The following CNTNAP5 variants were observed in gnomAD, a reference collection of about 807,000 sequenced individuals.
CNTNAP5 encodes the protein contactin-associated protein-like 5.
A neutral mutation model predicts 150.2 loss-of-function variants in CNTNAP5; 72 were observed. The ratio of observed to expected loss-of-function variants is 0.48; its 90% confidence interval spans 0.40 to 0.58. The LOEUF is 0.58. CNTNAP5 is among the 20% of genes least tolerant of loss of function. The pLI is 0.00. For synonymous variants in CNTNAP5, 672 were observed against 619.8 expected (o/e 1.08, Z -1.25); for missense variants, 1,636 against 1,626.2 (o/e 1.01, Z -0.10).
intron 13 of CNTNAP5, among the ~76,000 whole-genome samples, chr2:124,649,955 G>T (rs1678285058): frequency 6.6e-6 from 1 of 152,184 alleles, no homozygotes; most frequent in Admixed American, 6.5e-5. Context: ...AATGTAAATA[G>T]AATAATTGTC....
At chr2:124,904,848 G>T (rs1391001506) in intron 22 of CNTNAP5, among the ~76,000 whole-genome samples, 1 of 151,584 alleles carries the variant, frequency 6.6e-6, no homozygotes, top group Non-Finnish European at 1.5e-5. Context: ...GACACCAAAA[G>T]TATGATCAAC....
intron 1 of CNTNAP5, among the ~76,000 whole-genome samples, chr2:124,091,709 C>G (rs1682817568): frequency 6.6e-6 from 1 of 152,090 alleles, no homozygotes; most frequent in Non-Finnish European, 1.5e-5. Flanking sequence ...GGAGAGACCC[C>G]ACACACGTTT....
intron 1 of CNTNAP5, among the ~76,000 whole-genome samples, chr2:124,074,865 T>C (rs192790353): frequency 6.6e-6 from 1 of 152,264 alleles, no homozygotes; most frequent in Admixed American, 6.5e-5. Flanking sequence ...ATTACTCCTA[T>C]TGTTATTTGA....
At chr2:124,060,291 A>G (rs899573850) in intron 1 of CNTNAP5, among the ~76,000 whole-genome samples, 10 of 152,222 alleles carry the variant, frequency 6.6e-5, no homozygotes, top group African/African-American at 2.4e-4. Context: ...TAAAGAAAGC[A>G]TGAGTGAGTT....
chr2:124,717,313 A>T (rs1679965165), intron 13 of CNTNAP5, among the ~76,000 whole-genome samples: 2 of 152,192 alleles, frequency 1.3e-5, no homozygotes, highest in Admixed American at 6.5e-5. Flanking sequence ...TCATTTCAGA[A>T]TGGAATTGTG....
At chr2:124,730,806 T>A (rs1680254521) in intron 13 of CNTNAP5, among the ~76,000 whole-genome samples, 2 of 152,100 alleles carry the variant, frequency 1.3e-5, no homozygotes, top group African/African-American at 4.8e-5. Flanking sequence ...AAGAAATCCA[T>A]AGCCTTATTT....
chr2:124,424,898 C>G (rs758833655), intron 4 of CNTNAP5, among the ~76,000 whole-genome samples: 4 of 152,184 alleles, frequency 2.6e-5, no homozygotes, highest in Non-Finnish European at 5.9e-5. Flanking sequence ...AAAAAATACA[C>G]AGCTAACACT....
intron 3 of CNTNAP5, among the ~76,000 whole-genome samples, chr2:124,309,601 A>G (rs1203064079): frequency 6.6e-6 from 1 of 152,256 alleles, no homozygotes; most frequent in Admixed American, 6.5e-5. Flanking sequence ...ATGGGGTCCA[A>G]TGATGATGTA....
intron 22 of CNTNAP5, among the ~76,000 whole-genome samples, chr2:124,910,466 A>G (rs1306800336): frequency 6.6e-6 from 1 of 152,040 alleles, no homozygotes; most frequent in Non-Finnish European, 1.5e-5. Context: ...TTTGACAGAG[A>G]AGAAAGTTTA....
In CNTNAP5 at chr2:124,474,860, G is replaced by A. The variant is rs369591290; in HGVS notation, c.1040G>A (p.Arg347Gln). 20 of 1,606,164 alleles carry A rather than the reference G, an allele frequency of 1.2e-5. No homozygotes were observed. The highest frequency in any genetic ancestry group is 2.2e-5 in the South Asian group (2 of 89,460). Residue 347 changes from arginine to glutamine, a missense_variant, in exon 7 of 24, where the codon CGA (arginine) becomes CAA (glutamine). By Grantham distance (43) the Arg-to-Gln change is conservative (BLOSUM62 1). Coordinates refer to ENST00000682447, the MANE Select transcript of CNTNAP5 (RefSeq NM_001367498.1). ...GVNIIDLAKR[R>Q]KHQIYTVGNV... is the part of the protein sequence containing the mutation. ...AACATAATTGACCTGGCTAAGAGAC[G>A]AAAGCATCAGATCTATACTGTGGTA...
intron 6 of CNTNAP5, among the ~76,000 whole-genome samples, chr2:124,472,251 G>A (rs1427702474): frequency 1.3e-5 from 2 of 151,926 alleles, no homozygotes; most frequent in African/African-American, 4.8e-5. Flanking sequence ...ATGGATTTTT[G>A]AAATAATCGT....
intron 3 of CNTNAP5, among the ~76,000 whole-genome samples, chr2:124,275,663 C>T (rs1239516545): frequency 6.6e-6 from 1 of 152,104 alleles, no homozygotes; most frequent in Non-Finnish European, 1.5e-5. Context: ...TGCTTCTTGA[C>T]CCATGGTTTT....
At chr2:124,297,810 TTTA>T (rs138310065) in intron 3 of CNTNAP5, among the ~76,000 whole-genome samples, 24,092 of 125,532 alleles carry the variant, frequency 0.19, 2,072 homozygotes, top group South Asian at 0.28. Context: ...CATCCAATTA[TTTA>T]TTATTATTAT....
chr2:124,073,585 G>C (rs973097164), intron 1 of CNTNAP5, among the ~76,000 whole-genome samples: 8 of 151,988 alleles, frequency 5.3e-5, no homozygotes, highest in African/African-American at 1.9e-4. Flanking sequence ...CATATGAAAA[G>C]GTGCTCAGCA....
chr2:124,194,368 T>C (rs957972298), intron 1 of CNTNAP5, among the ~76,000 whole-genome samples: 2 of 24,106 alleles, frequency 8.3e-5, no homozygotes, highest in Non-Finnish European at 1.8e-4. Flanking sequence ...AATTAGGTCA[T>C]ATATATATAT....
intron 1 of CNTNAP5, among the ~76,000 whole-genome samples, chr2:124,201,866 A>G (rs1361873017): frequency 1.3e-5 from 2 of 152,222 alleles, no homozygotes; most frequent in Non-Finnish European, 2.9e-5. Flanking sequence ...TCCACATTCC[A>G]TAGTAATGGT....
At chr2:124,904,942 G>A (rs1371600086) in intron 22 of CNTNAP5, among the ~76,000 whole-genome samples, 12 of 149,442 alleles carry the variant, frequency 8.0e-5, no homozygotes, top group Admixed American at 7.4e-4. Flanking sequence ...AAAGGAAAAG[G>A]CAATCTACAG....
At chr2:124,771,834 CACT>C (rs1179708291) in intron 16 of CNTNAP5, among the ~76,000 whole-genome samples, 2 of 151,854 alleles carry the variant, frequency 1.3e-5, no homozygotes, top group African/African-American at 2.4e-5. Flanking sequence ...CTGCCACCAC[CACT>C]ATCAACACCA....
chr2:124,571,306 A>G (rs1696146647), intron 11 of CNTNAP5, among the ~76,000 whole-genome samples: 2 of 152,114 alleles, frequency 1.3e-5, no homozygotes, highest in Non-Finnish European at 2.9e-5. Flanking sequence ...GAGTAGATGA[A>G]GTCAATCAGG....
Sources: allele counts gnomAD v4.1 joint callset (sites outside exome capture counted in the v4.1 genomes callset), GRCh38; gene constraint gnomAD v4.1.1; transcripts MANE v1.5; gene names NCBI Gene and HGNC (gene_info 2026-07-23, HGNC 2026-07-21).